The following PHF21A variants were observed in gnomAD, a reference collection of about 807,000 sequenced individuals.
PHF21A encodes BHC80a.
PHF21A carries 11 observed loss-of-function variants against 82.5 expected under a neutral mutation model. The observed-to-expected ratio is 0.13, with a 90% confidence interval of 0.08 to 0.22. The LOEUF (loss-of-function observed/expected upper bound fraction) is 0.22, where lower values mean the gene tolerates loss of function less well. Ranked by LOEUF, PHF21A falls within the 10% of genes least tolerant of loss-of-function variation. The pLI, the probability that PHF21A is intolerant of heterozygous loss-of-function variation, is 1.00. For synonymous variants in PHF21A, 297 were observed against 302.8 expected (o/e 0.98, Z 0.20); for missense variants, 579 against 837.8 (o/e 0.69, Z 3.81).
Position 45,930,393 on chromosome 11 carries a change from T to A in PHF21A, c.*3575A>T, listed in dbSNP as rs1233910885. 1 of 152,390 alleles carries A rather than the reference T, an allele frequency of 6.6e-6. No homozygotes were observed. Among genetic ancestry groups the A allele is most frequent in the Non-Finnish European group, 1.5e-5 (1 of 68,162 alleles). 9.4% of individuals were successfully genotyped at this position (152,390 alleles called of 1,614,324 possible). ...AAACCAGGCACACGATGGTGCCAGC[T>A]GGAGGCTGCCAGGGCGGCCCCACCA... On this transcript the variant is annotated 3_prime_UTR_variant, in exon 19 of 19. Transcript: ENST00000676320.
At position 46,061,090 on chromosome 11, in the gene PHF21A, G is replaced by A. The variant is rs557216823; in HGVS notation, c.153+15664C>T. ...AATCCCTTCCCCATTGCTTGTTTTC[G>A]TCAGGTTTGTCAAAGATCAGGTAGC... On this transcript the variant is annotated intron_variant, in intron 6 of 18. Transcript: ENST00000676320. 1.7e-4 allele frequency among the ~76,000 whole-genome samples: 26 copies of A among 152,200 alleles called. No individual in the cohort carries two copies. In the South Asian group the frequency reaches 2.9e-3, roughly 17 times the overall value.
At chr11:46,033,510 G>A (rs994430253) in intron 6 of PHF21A, among the ~76,000 whole-genome samples, 6 of 152,004 alleles carry the variant, frequency 3.9e-5, no homozygotes, top group Non-Finnish European at 7.4e-5. Context: ...GCAATCCACC[G>A]GCCTCAGCCT....
At chr11:46,117,970 A>C (rs1851833635) in intron 1 of PHF21A, 1 of 152,210 alleles carries the variant, frequency 6.6e-6, no homozygotes, top group Non-Finnish European at 1.5e-5. Flanking sequence ...GCTTAGCTGA[A>C]GCTAAGCAGA....
chr11:45,992,494 C>T (rs868512660), intron 6 of PHF21A, among the ~76,000 whole-genome samples: 3 of 152,144 alleles, frequency 2.0e-5, no homozygotes, highest in Admixed American at 6.5e-5. Flanking sequence ...GAGCTGAGAT[C>T]GCGCCACTGC....
intron 6 of PHF21A, among the ~76,000 whole-genome samples, chr11:46,056,049 T>C (rs1275543260): frequency 6.6e-6 from 1 of 152,198 alleles, no homozygotes; most frequent in East Asian, 1.9e-4. Flanking sequence ...ACTTTCTCAA[T>C]GACAAGTTTT....
intron 6 of PHF21A, among the ~76,000 whole-genome samples, chr11:46,060,376 A>C (rs1479714810): frequency 1.3e-5 from 2 of 152,192 alleles, no homozygotes; most frequent in Admixed American, 6.5e-5. Flanking sequence ...CCAATATTCT[A>C]GTCTCCTCCT....
intron 1 of PHF21A, among the ~76,000 whole-genome samples, chr11:46,107,570 G>A (rs1287305978): frequency 2.0e-5 from 3 of 152,178 alleles, no homozygotes; most frequent in African/African-American, 7.2e-5. Flanking sequence ...TTAGCACTTC[G>A]TGGATCTAAA....
At chr11:45,934,363 G>A in intron 18 of PHF21A, 138 bp from the exon 19 acceptor site, 1 of 840,416 alleles carries the variant, frequency 1.2e-6, no homozygotes, top group Non-Finnish European at 1.8e-6. Flanking sequence ...GGGCCTTGCT[G>A]TGTTCCTCAG....
At chr11:46,113,984 C>T (rs1385944396) in intron 1 of PHF21A, among the ~76,000 whole-genome samples, 1 of 151,740 alleles carries the variant, frequency 6.6e-6, no homozygotes, top group Non-Finnish European at 1.5e-5. Context: ...TTTAGTAATA[C>T]GCACACACCC....
At chr11:46,114,849 T>C (rs2097268773) in intron 1 of PHF21A, among the ~76,000 whole-genome samples, 1 of 152,192 alleles carries the variant, frequency 6.6e-6, no homozygotes, top group African/African-American at 2.4e-5. Flanking sequence ...TACTGACAGT[T>C]TGTATTCTCA....
At chr11:45,978,173 G>A (rs528589889) in intron 7 of PHF21A, among the ~76,000 whole-genome samples, 3 of 152,060 alleles carry the variant, frequency 2.0e-5, no homozygotes, top group African/African-American at 7.2e-5. Flanking sequence ...GGTGGCACGC[G>A]CCTGTAGTCC....
At chr11:45,976,785 G>C (rs777372549) in intron 7 of PHF21A, among the ~76,000 whole-genome samples, 27 of 152,158 alleles carry the variant, frequency 1.8e-4, no homozygotes, top group Non-Finnish European at 3.5e-4. Flanking sequence ...AGTGAGCTGA[G>C]ATTGTGCCAC....
At chr11:45,968,309 C>T (rs1200042163) in intron 9 of PHF21A, among the ~76,000 whole-genome samples, 1 of 152,196 alleles carries the variant, frequency 6.6e-6, no homozygotes. Context: ...ATGCCTGCTG[C>T]TCCTAGGATA....
intron 7 of PHF21A, among the ~76,000 whole-genome samples, chr11:45,975,377 T>TAAAACAAAACAAAACAAAAC (rs55768306): frequency 7.7e-6 from 1 of 130,502 alleles, no homozygotes; most frequent in Non-Finnish European, 1.7e-5. Context: ...TAAAATAAAA[T>TAAAACAAAACAAAACAAAAC]AAAACAAAAC....
intron 9 of PHF21A, among the ~76,000 whole-genome samples, chr11:45,966,859 C>T (rs2093467969): frequency 6.6e-6 from 1 of 152,190 alleles, no homozygotes; most frequent in East Asian, 1.9e-4. Context: ...CCTCGGGATC[C>T]ACCCGCCTTG....
Position 45,965,377 on chromosome 11 carries a change from G to A in PHF21A, c.934C>T (p.Pro312Ser), listed in dbSNP as rs974117806. 6.2e-7 allele frequency: 1 copy of A among 1,613,972 alleles called. No individual in the cohort carries two copies. The highest frequency in any genetic ancestry group is 1.3e-5 in the African/African-American group (1 of 74,902). Reference protein sequence around the residue: ...AQLTSIVIATPGTRLAGPQTV... With the variant: ...AQLTSIVIATSGTRLAGPQTV... ...TGAGGTCCAGCGAGTCTGGTCCCTG[G>A]AGTAGCTATCACAATGCTGGTGAGC... is the stretch of plus-strand genomic sequence containing the variant. Residue 312 changes from proline to serine, a missense_variant, in exon 10 of 19, where the codon CCA (proline) becomes TCA (serine). By Grantham distance (74) the Pro-to-Ser change is moderately conservative. This residue lies in a region of PHF21A where 410 missense variants were observed against 642.1 expected (regional missense o/e 0.64). Coordinates refer to ENST00000676320, the MANE Select transcript of PHF21A (RefSeq NM_001352027.3).
At chr11:46,105,700 GA>G (rs2097145616) in intron 1 of PHF21A, among the ~76,000 whole-genome samples, 1 of 151,872 alleles carries the variant, frequency 6.6e-6, no homozygotes, top group Admixed American at 6.6e-5. Context: ...ATTTAAATGA[GA>G]AAAAAGCAAA....
chr11:45,951,969 G>A (rs1372391883), intron 11 of PHF21A, among the ~76,000 whole-genome samples: 1 of 152,018 alleles, frequency 6.6e-6, no homozygotes, highest in East Asian at 1.9e-4. Flanking sequence ...ACTGCATCCA[G>A]CTAATTTTTG....
At chr11:45,998,304 C>T (rs1404469226) in intron 6 of PHF21A, among the ~76,000 whole-genome samples, 1 of 152,200 alleles carries the variant, frequency 6.6e-6, no homozygotes, top group Non-Finnish European at 1.5e-5. Flanking sequence ...CTGTGCTAAT[C>T]ACTCTCTCAT....
Sources: allele counts gnomAD v4.1 joint callset (sites outside exome capture counted in the v4.1 genomes callset), GRCh38; gene constraint gnomAD v4.1.1; regional missense constraint gnomAD v4.1.1; transcripts MANE v1.5; gene names NCBI Gene and HGNC (gene_info 2026-07-23, HGNC 2026-07-21).